VRK2: variants seen among roughly 807,000 people sequenced by gnomAD.
VRK2 encodes VRK serine/threonine kinase 2.
Under a neutral mutation model 57.6 loss-of-function variants are expected in VRK2, and 60 were observed. The observed-to-expected ratio is 1.04, with a 90% CI of 0.85 to 1.29. The LOEUF is 1.29. VRK2 is among the 50% of genes most tolerant of loss of function. VRK2 has a pLI of 0.00. For synonymous variants in VRK2, 231 were observed against 199.2 expected, an observed-to-expected ratio of 1.16 and a Z score of -1.35; for missense variants, 705 against 588.1, an observed-to-expected ratio of 1.20 and a Z score of -2.06.
At chr2:58,045,066 C>T (rs145923854), upstream of VRK2, among the ~76,000 whole-genome samples, 1 of 152,216 alleles carries the variant, frequency 6.6e-6, no homozygotes, top group African/African-American at 2.4e-5. Flanking sequence ...AAAGTCATAG[C>T]GAAGACTGGC....
chr2:57,938,483 G>T (rs542256596), intron 1 of VRK2, among the ~76,000 whole-genome samples: 1 of 134,778 alleles, frequency 7.4e-6, no homozygotes, highest in African/African-American at 3.3e-5. Context: ...TAAAAGGAGG[G>T]AATCCATTGT....
chr2:57,929,566 G>A (rs187557911), intron 1 of VRK2, among the ~76,000 whole-genome samples: 1 of 152,260 alleles, frequency 6.6e-6, no homozygotes, highest in Non-Finnish European at 1.5e-5. Context: ...TGGCTGAGCT[G>A]GTACCTAAGG....
intron 7 of VRK2, among the ~76,000 whole-genome samples, chr2:58,092,283 A>T (rs567805832): frequency 6.6e-6 from 1 of 152,134 alleles, no homozygotes; most frequent in Admixed American, 6.6e-5. Context: ...TAAGGTATGT[A>T]CTGTTTTGGG....
At chr2:57,952,039 G>A (rs553773705) in intron 1 of VRK2, among the ~76,000 whole-genome samples, 8 of 150,274 alleles carry the variant, frequency 5.3e-5, no homozygotes, top group African/African-American at 2.0e-4. Context: ...GATTACTGAT[G>A]TGAACCACTA....
At chr2:58,116,063 G>C (rs975728830) in intron 7 of VRK2, among the ~76,000 whole-genome samples, 7 of 152,130 alleles carry the variant, frequency 4.6e-5, no homozygotes, top group African/African-American at 9.7e-5. Flanking sequence ...CAGGTAAAAT[G>C]GGGGAATGGT....
intron 1 of VRK2, among the ~76,000 whole-genome samples, chr2:57,954,903 G>A (rs1185498410): frequency 2.6e-5 from 4 of 152,086 alleles, no homozygotes; most frequent in Non-Finnish European, 5.9e-5. Context: ...AAAAGAAGCC[G>A]TGCATTGTTT....
chr2:58,037,639 T>C (rs1393754830), intron 3 of VRK2, among the ~76,000 whole-genome samples: 4 of 152,094 alleles, frequency 2.6e-5, no homozygotes, highest in Non-Finnish European at 5.9e-5. Flanking sequence ...ATTGAGAAAA[T>C]TGAGGAAGTA....
intron 1 of VRK2, among the ~76,000 whole-genome samples, chr2:57,941,010 A>C (rs1671077244): frequency 6.6e-6 from 1 of 152,180 alleles, no homozygotes; most frequent in Admixed American, 6.5e-5. Context: ...ATGCCTCCTG[A>C]GAACAAGTAC....
intron 1 of VRK2, among the ~76,000 whole-genome samples, chr2:58,025,264 A>AT (rs34986884): frequency 2.3e-3 from 334 of 146,870 alleles, no homozygotes; most frequent in Admixed American, 7.5e-3. Flanking sequence ...CATTGCTCAT[A>AT]TTTTTTTTTT....
intron 1 of VRK2, among the ~76,000 whole-genome samples, chr2:58,021,755 C>T (rs937994446): frequency 3.3e-5 from 5 of 152,262 alleles, no homozygotes; most frequent in Middle Eastern, 3.4e-3. Context: ...ATCCCCCATA[C>T]CTTTCCACAT....
chr2:57,942,921 GAC>G lies in VRK2; in HGVS notation c.-439+35084_-439+35085del, dbSNP rs1671145823. Among the ~76,000 whole-genome samples the G allele has an allele frequency of 2.0e-5, 3 of 152,244 alleles. No homozygotes were observed. In the South Asian group the frequency reaches 6.2e-4, roughly 32 times the overall value. ...TCATAAAGTGGAATGCAGCACTTCTGACAATGCCTTAGGATTTTTTCTCTCCC... is the reference window on the plus strand; with the variant it reads ...TCATAAAGTGGAATGCAGCACTTCTGAATGCCTTAGGATTTTTTCTCTCCC... On this transcript the variant is annotated intron_variant, in intron 1 of 15. Transcript: ENST00000417641.
intron 1 of VRK2, 113 bp downstream of exon 1, chr2:58,046,981 C>G (rs1021791394): frequency 1.0e-6 from 1 of 985,330 alleles, no homozygotes; most frequent in Non-Finnish European, 1.2e-6. Context: ...CCGGGGACTC[C>G]GGGCCGTCCC....
At chr2:58,082,297 ATC>A (rs1457391081) in intron 2 of VRK2, among the ~76,000 whole-genome samples, 1 of 151,816 alleles carries the variant, frequency 6.6e-6, no homozygotes, top group Non-Finnish European at 1.5e-5. Flanking sequence ...TGGTAACATA[ATC>A]TGTTATTTAT....
At chr2:57,957,340 T>G (rs1263495275) in intron 1 of VRK2, among the ~76,000 whole-genome samples, 1 of 152,030 alleles carries the variant, frequency 6.6e-6, no homozygotes, top group African/African-American at 2.4e-5. Flanking sequence ...AGGGTCATAC[T>G]ACTGAAACCA....
chr2:58,135,840 A>C (rs1679929069), intron 10 of VRK2, among the ~76,000 whole-genome samples: 1 of 152,196 alleles, frequency 6.6e-6, no homozygotes, highest in Non-Finnish European at 1.5e-5. Flanking sequence ...TTTTATGTGC[A>C]TACACAACAT....
rs570583466 is a variant in VRK2 at position 58,105,625 on chromosome 2, CTG to C, written c.543+15904_543+15905del. Among the ~76,000 whole-genome samples, 479 of 151,728 alleles carry C rather than the reference CTG, an allele frequency of 3.2e-3. 5 individuals carry two copies. The highest frequency in any genetic ancestry group is 0.011 in the African/African-American group (440 of 41,422). On this transcript the variant is annotated intron_variant, in intron 7 of 12. Transcript: ENST00000340157. Reference sequence around the variant, plus strand: ...ATATTTGAGCATCCTGCTTCACAAACTGTTACATATAGGCTTTTTTTTTTCAG... The same window carrying C: ...ATATTTGAGCATCCTGCTTCACAAACTTACATATAGGCTTTTTTTTTTCAG...
chr2:58,091,566 A>G (rs1672379489), intron 7 of VRK2, among the ~76,000 whole-genome samples: 1 of 152,072 alleles, frequency 6.6e-6, no homozygotes. Context: ...AAAATTAGAA[A>G]AAATGTAATT....
At chr2:58,067,344 C>T (rs1482123676) in intron 2 of VRK2, among the ~76,000 whole-genome samples, 20 of 152,088 alleles carry the variant, frequency 1.3e-4, no homozygotes, top group Admixed American at 1.2e-3. Flanking sequence ...TAATAAACTC[C>T]CCTTCATATA....
chr2:58,147,312 T>C, intron 12 of VRK2: 1 of 410,646 alleles, frequency 2.4e-6, no homozygotes, highest in Non-Finnish European at 4.9e-6. Context: ...AAATGCTTTT[T>C]TTAGTACTAA....
Sources: gnomAD v4.1 joint callset for allele counts (sites outside exome capture counted in the v4.1 genomes callset) on GRCh38, gnomAD v4.1.1 for gene constraint, MANE v1.5 for transcripts, NCBI Gene and HGNC (gene_info 2026-07-23, HGNC 2026-07-21) for gene names.